RBFOX2: variants seen among roughly 807,000 people sequenced by gnomAD.
The protein encoded by RBFOX2 is RNA binding protein fox-1 homolog 2.
A neutral mutation model predicts 49.1 loss-of-function variants in RBFOX2; 10 were observed. That is an observed-to-expected ratio of 0.20 (90% CI 0.13 to 0.35). The LOEUF (loss-of-function observed/expected upper bound fraction) is 0.35, where lower values mean the gene tolerates loss of function less well. Among genes scored for constraint, RBFOX2 ranks in the 10% least tolerant of loss-of-function variants. The pLI is 1.00. For missense variants in RBFOX2, 323 were observed against 486.9 expected, an observed-to-expected ratio of 0.66 and a Z score of 3.17; for synonymous variants, 183 against 187.4, an observed-to-expected ratio of 0.98 and a Z score of 0.19.
exon 3 of RBFOX2, chr22:35,781,718 C>T (rs748640830): frequency 1.2e-6 from 2 of 1,614,156 alleles, no homozygotes; most frequent in South Asian, 2.2e-5. Context: ...TGACTGCTGG[C>T]CGTCTGTCTG....
chr22:35,756,592 A>G (rs988525546), intron 9 of RBFOX2, among the ~76,000 whole-genome samples: 1 of 152,204 alleles, frequency 6.6e-6, no homozygotes, highest in Non-Finnish European at 1.5e-5. Context: ...AACTGAACCC[A>G]AAGAATTCCA....
At chr22:36,000,904 A>G (rs2058387949) in intron 1 of RBFOX2, among the ~76,000 whole-genome samples, 1 of 152,174 alleles carries the variant, frequency 6.6e-6, no homozygotes, top group African/African-American at 2.4e-5. Context: ...TTAGAAATGA[A>G]AGTTCTTTAC....
intron 1 of RBFOX2, among the ~76,000 whole-genome samples, chr22:35,838,763 C>A (rs1249745220): frequency 6.6e-6 from 1 of 152,186 alleles, no homozygotes; most frequent in Non-Finnish European, 1.5e-5. Context: ...GGAAGAGAAA[C>A]ATTTCAAAAG....
exon 1 of RBFOX2, among the ~76,000 whole-genome samples, chr22:36,028,811 G>A (rs1341344272): frequency 2.0e-5 from 3 of 152,058 alleles, no homozygotes; most frequent in African/African-American, 7.2e-5. Context: ...GCCGAGGGAG[G>A]AAGGGGGCGG....
intron 1 of RBFOX2, among the ~76,000 whole-genome samples, chr22:35,883,622 C>T (rs1337281009): frequency 1.3e-5 from 2 of 152,064 alleles, no homozygotes; most frequent in African/African-American, 4.8e-5. Context: ...TTTAACAGTG[C>T]TTCCCTCAAT....
chr22:35,861,738 A>T (rs1049097511), intron 1 of RBFOX2, among the ~76,000 whole-genome samples: 1 of 152,228 alleles, frequency 6.6e-6, no homozygotes, highest in African/African-American at 2.4e-5. Context: ...GTTCTTATAA[A>T]TTCAAACACA....
At chr22:35,867,205 T>G (rs1463202911) in intron 1 of RBFOX2, among the ~76,000 whole-genome samples, 2 of 152,242 alleles carry the variant, frequency 1.3e-5, no homozygotes, top group African/African-American at 4.8e-5. Context: ...CTACCTTTCC[T>G]GTGATTGTGT....
At chr22:35,974,559 C>T (rs2057046441) in intron 1 of RBFOX2, among the ~76,000 whole-genome samples, 1 of 152,038 alleles carries the variant, frequency 6.6e-6, no homozygotes, top group South Asian at 2.1e-4. Context: ...TGGTGGCACA[C>T]ATCTGTAATC....
In RBFOX2 at chr22:36,000,006, T is replaced by TATATATATA. The variant is rs1556524955; in HGVS notation, c.186+28233_186+28234insTATATATAT. 79 of 80,090 alleles carry TATATATATA rather than the reference T, an allele frequency of 9.9e-4. 2 individuals are homozygous for TATATATATA. In the East Asian group the frequency reaches 0.019, roughly 19 times the overall value. 5.0% of individuals were successfully genotyped at this position (80,090 alleles called of 1,614,324 possible). On this transcript the variant is annotated intron_variant, in intron 1 of 13. Transcript: ENST00000438146. ...AGTTATATATATATATATATATATA[T>TATATATATA]TTTTTTTTTTTGAGATGGAGTCTCA... is the stretch of plus-strand genomic sequence containing the variant.
chr22:35,841,866 T>G (rs974634448), upstream of RBFOX2, among the ~76,000 whole-genome samples: 4 of 152,186 alleles, frequency 2.6e-5, no homozygotes, highest in Non-Finnish European at 5.9e-5. Context: ...CCATAAGGAC[T>G]GTTTGGCAAC....
rs1199624615 is a variant in RBFOX2, at chr22:35,934,680, A to G, written c.-34+4167T>C. On this transcript the variant is annotated intron_variant, in intron 1 of 13. Coordinates refer to the RBFOX2 transcript ENST00000359369. ...GCCATCCCATATAAATAATCTTCGC[A>G]AAAACAGTAAGGCTGCTGTGCAGAA... Among the ~76,000 whole-genome samples, 3 of 152,180 alleles carry G rather than the reference A, an allele frequency of 2.0e-5. No homozygotes were observed. In the East Asian group the frequency reaches 5.8e-4, roughly 29 times the overall value.
At chr22:35,961,299 G>A (rs934627011) in intron 1 of RBFOX2, among the ~76,000 whole-genome samples, 1 of 152,132 alleles carries the variant, frequency 6.6e-6, no homozygotes, top group African/African-American at 2.4e-5. Flanking sequence ...ATACTTCAGG[G>A]ATACAACTAT....
intron 1 of RBFOX2, among the ~76,000 whole-genome samples, chr22:35,990,524 T>A (rs1043761379): frequency 2.0e-5 from 3 of 152,010 alleles, no homozygotes; most frequent in Admixed American, 1.3e-4. Flanking sequence ...AATGAGAAAA[T>A]GAGACGCTTG....
At chr22:35,769,333 C>A (rs1178902149) in intron 4 of RBFOX2, among the ~76,000 whole-genome samples, 3 of 152,074 alleles carry the variant, frequency 2.0e-5, no homozygotes, top group African/African-American at 7.2e-5. Flanking sequence ...TTGTTCCTTG[C>A]AAGATACTAT....
intron 1 of RBFOX2, among the ~76,000 whole-genome samples, chr22:35,982,430 G>A (rs780496359): frequency 3.9e-5 from 6 of 151,978 alleles, no homozygotes; most frequent in Non-Finnish European, 5.9e-5. Flanking sequence ...TATAGGTCTT[G>A]TTGGTACCAG....
Position 35,809,777 on chromosome 22 carries a change from T to C in RBFOX2, c.252+3A>G. ...TCCATTTTTCACCTCATGGTCCACG[T>C]ACCGTAAGAGATCCATTTTGTGTGC... is the stretch of plus-strand genomic sequence containing the variant. On this transcript the variant is annotated splice_donor_region_variant and intron_variant, in intron 2 of 11. Transcript: ENST00000405409. 2 of 1,613,306 alleles carry C rather than the reference T, an allele frequency of 1.2e-6. No individual in the cohort carries two copies. The highest frequency in any genetic ancestry group is 4.5e-5 in the East Asian group (2 of 44,876).
chr22:35,756,104 C>T lies in RBFOX2; in HGVS notation c.887+3784G>A. On this transcript the variant is annotated intron_variant, in intron 9 of 11. Transcript: ENST00000405409. ...GAGAAGGCCCCAGTGTGTGTACTTA[C>T]ATAGAGGTCAGCACCGTAAAATCCG... 1.4e-6 allele frequency: 2 copies of T among 1,469,378 alleles called. No homozygotes were observed. Among genetic ancestry groups the T allele is most frequent in the Non-Finnish European group, 1.8e-6 (2 of 1,099,838 alleles). 91.0% of individuals were successfully genotyped at this position (1,469,378 alleles called of 1,614,324 possible).
At chr22:36,017,709 G>A (rs907572368) in intron 1 of RBFOX2, among the ~76,000 whole-genome samples, 1 of 152,164 alleles carries the variant, frequency 6.6e-6, no homozygotes, top group African/African-American at 2.4e-5. Flanking sequence ...TCAACAGCCT[G>A]CTCCAGCGAA....
chr22:35,774,333 CA>C (rs1943384835), intron 4 of RBFOX2, among the ~76,000 whole-genome samples: 1 of 152,060 alleles, frequency 6.6e-6, no homozygotes, highest in African/African-American at 2.4e-5. Flanking sequence ...GGAGAATTAA[CA>C]AAGCTACATA....
Sources: gnomAD v4.1 joint callset for allele counts (sites outside exome capture counted in the v4.1 genomes callset) on GRCh38, gnomAD v4.1.1 for gene constraint, MANE v1.5 for transcripts, NCBI Gene and HGNC (gene_info 2026-07-23, HGNC 2026-07-21) for gene names.